EVC2: variants seen among roughly 807,000 people sequenced by gnomAD.
EVC2 encodes the protein EvC ciliary complex subunit 2, also known as limbin.
Under a neutral mutation model 149.3 loss-of-function variants are expected in EVC2, and 148 were observed. That is an observed-to-expected ratio of 0.99 (90% CI 0.87 to 1.14). The LOEUF (loss-of-function observed/expected upper bound fraction) is 1.14, where lower values mean the gene tolerates loss of function less well. Ranked by LOEUF, EVC2 falls within the 50% of genes most tolerant of loss-of-function variation. The pLI, the probability that EVC2 is intolerant of heterozygous loss-of-function variation, is 0.00. For synonymous variants in EVC2, 776 were observed against 649.9 expected (o/e 1.19, Z -2.95); for missense variants, 1,854 against 1,627.3 (o/e 1.14, Z -2.40).
chr4:5,557,106 T>C (rs1308726426), intron 21 of EVC2, among the ~76,000 whole-genome samples: 2 of 151,848 alleles, frequency 1.3e-5, no homozygotes, highest in Non-Finnish European at 2.9e-5. Flanking sequence ...AAAAAACAGA[T>C]AAAGAAAATA....
chr4:5,568,012 A>G (rs1035129526), intron 20 of EVC2, among the ~76,000 whole-genome samples: 10 of 152,132 alleles, frequency 6.6e-5, no homozygotes, highest in African/African-American at 2.2e-4. Context: ...CAGCGTGCTC[A>G]CTCCACACTC....
At chr4:5,621,737 T>G (rs995631621) in intron 14 of EVC2, among the ~76,000 whole-genome samples, 3 of 152,206 alleles carry the variant, frequency 2.0e-5, no homozygotes, top group African/African-American at 7.2e-5. Flanking sequence ...CTCTCCCATG[T>G]CTTTAAAAAC....
chr4:5,640,576 A>G lies in EVC2; in HGVS notation c.1408T>C (p.Tyr470His), dbSNP rs890717512. 1.9e-6 allele frequency: 3 copies of G among 1,614,124 alleles called. No homozygotes were observed. Among genetic ancestry groups the G allele is most frequent in the Admixed American group, 3.3e-5 (2 of 60,018 alleles). ...LETRKKMENQ[Y>H]QREMMAMEEA... ...TCCATTGCCATCATCTCTCTCTGGT[A>G]CTGGTTTTCCATCTTCTTTCTTGTT... The change falls in exon 10 of 22, where the codon TAC (tyrosine) becomes CAC (histidine). Residue 470 changes from tyrosine to histidine, a missense_variant. Tyr to His is a moderately conservative substitution (Grantham distance 83). Coordinates refer to ENST00000344408, the MANE Select transcript of EVC2 (RefSeq NM_147127.5). The surrounding 1 kb of genome is among the most constrained non-coding windows in gnomAD (Gnocchi z 4.6).
At chr4:5,662,898 G>A (rs1718993725) in intron 9 of EVC2, among the ~76,000 whole-genome samples, 1 of 151,654 alleles carries the variant, frequency 6.6e-6, no homozygotes, top group South Asian at 2.1e-4. Context: ...TTTCCTACTA[G>A]ATCAGACTTC....
chr4:5,608,040 G>T (rs374400775), intron 16 of EVC2, among the ~76,000 whole-genome samples: 1 of 151,986 alleles, frequency 6.6e-6, no homozygotes, highest in East Asian at 1.9e-4. Flanking sequence ...CCACAGTCCC[G>T]GGCTATGGAG....
In EVC2 at chr4:5,657,491, A is replaced by G. The variant is rs1217435214; in HGVS notation, c.1145+5616T>C. Among the ~76,000 whole-genome samples the G allele has an allele frequency of 6.6e-6, 1 of 152,064 alleles. No homozygotes were observed. Among genetic ancestry groups the G allele is most frequent in the Non-Finnish European group, 1.5e-5 (1 of 68,012 alleles). On this transcript the variant is annotated intron_variant, in intron 9 of 21. Coordinates refer to ENST00000344408, the MANE Select transcript of EVC2 (RefSeq NM_147127.5). This position sits in a 1 kb window ranked among gnomAD's most constrained non-coding sequence, Gnocchi z 4.7. ...CTGAAGAGCCACATCACATCTGGAA[A>G]CATGTTGTGTTGTCTTCTGGTTTGA...
rs2108764620 is a variant in EVC2 at position 5,562,640 on chromosome 4, T to C, written c.*208A>G. Reference sequence around the variant, plus strand: ...GCTGAAAGAAGGAGTGTTTATGTCCTTGTGATATGGAAGAGAGTGGGCCAT... The same window carrying C: ...GCTGAAAGAAGGAGTGTTTATGTCCCTGTGATATGGAAGAGAGTGGGCCAT... On this transcript the variant is annotated 3_prime_UTR_variant, in exon 22 of 22. Transcript: ENST00000344408. The surrounding 1 kb of genome is among the most constrained non-coding windows in gnomAD (Gnocchi z 4.3). 7.0e-7 allele frequency: 1 copy of C among 1,438,110 alleles called. No individual in the cohort carries two copies. The highest frequency in any genetic ancestry group is 2.7e-5 in the Admixed American group (1 of 37,296). 89.1% of individuals were successfully genotyped at this position (1,438,110 alleles called of 1,614,324 possible).
intron 16 of EVC2, among the ~76,000 whole-genome samples, chr4:5,593,264 T>A (rs564601961): frequency 6.6e-6 from 1 of 152,272 alleles, no homozygotes; most frequent in South Asian, 2.1e-4. Flanking sequence ...AAAGCTCAAG[T>A]CAAAAGTTAA....
Position 5,677,631 on chromosome 4 carries a change from C to A in EVC2, c.870+3629G>T, listed in dbSNP as rs1720080515. ...GCATCGGGGAAGAGCTCAGAAATACCCTTACATGAGCATTCTCTGCCTTTT... is the reference window on the plus strand; with the variant it reads ...GCATCGGGGAAGAGCTCAGAAATACACTTACATGAGCATTCTCTGCCTTTT... On this transcript the variant is annotated intron_variant, in intron 7 of 21. Coordinates refer to ENST00000344408, the MANE Select transcript of EVC2 (RefSeq NM_147127.5). This position sits in a 1 kb window ranked among gnomAD's most constrained non-coding sequence, Gnocchi z 4.3. 6.6e-6 allele frequency among the ~76,000 whole-genome samples: 1 copy of A among 152,226 alleles called. No individual in the cohort carries two copies. Among genetic ancestry groups the A allele is most frequent in the Admixed American group, 6.5e-5 (1 of 15,286 alleles).
intron 16 of EVC2, among the ~76,000 whole-genome samples, chr4:5,585,137 C>A (rs1712166100): frequency 6.6e-6 from 1 of 152,104 alleles, no homozygotes; most frequent in South Asian, 2.1e-4. Context: ...CTAAGTCTCT[C>A]CATGTCCTAG....
At chr4:5,580,400 G>C (rs78289186) in intron 17 of EVC2, among the ~76,000 whole-genome samples, 2,941 of 152,318 alleles carry the variant, frequency 0.019, 85 homozygotes, top group African/African-American at 0.067. Context: ...AGAGGTAGGA[G>C]TTACTCAAAA....
intron 1 of EVC2, among the ~76,000 whole-genome samples, chr4:5,699,958 T>G (rs1026981161): frequency 6.6e-6 from 1 of 152,124 alleles, no homozygotes; most frequent in Non-Finnish European, 1.5e-5. Context: ...CTGGCCCACA[T>G]GGTGAAACCC....
chr4:5,538,063 G>GAAAAAAAAAAAAA (rs34937866), downstream of EVC2, among the ~76,000 whole-genome samples: 1 of 112,324 alleles, frequency 8.9e-6, no homozygotes. Context: ...GAAAGAAATA[G>GAAAAAAAAAAAAA]AAAAAAAAAA....
chr4:5,564,818 G>T (rs1722169629), intron 21 of EVC2, among the ~76,000 whole-genome samples: 5 of 152,180 alleles, frequency 3.3e-5, no homozygotes, highest in Admixed American at 3.3e-4. Context: ...AGAAAATAAA[G>T]GGGGCAGTGA....
Position 5,642,158 on chromosome 4 carries a change from C to T in EVC2, c.1146-1320G>A, listed in dbSNP as rs570463346. 4.0e-4 allele frequency among the ~76,000 whole-genome samples: 61 copies of T among 152,282 alleles called. No homozygotes were observed. In the South Asian group the frequency reaches 0.011, roughly 27 times the overall value. On this transcript the variant is annotated intron_variant, in intron 9 of 21. Transcript: ENST00000344408. ...ACAGTATTCCATAGTGTACCAATGC[C>T]ACATTTTCTTTATCCAGTCTATCAT... is the stretch of plus-strand genomic sequence containing the variant.
intron 16 of EVC2, among the ~76,000 whole-genome samples, chr4:5,593,672 T>A (rs1021757639): frequency 5.9e-5 from 9 of 152,112 alleles, no homozygotes; most frequent in Non-Finnish European, 1.3e-4. Flanking sequence ...TGCATTTCCA[T>A]CTGAGGTACC....
At position 5,633,251 on chromosome 4, in the gene EVC2, A is replaced by G. The variant is rs555873347; in HGVS notation, c.1471-1219T>C. On this transcript the variant is annotated intron_variant, in intron 10 of 21. Transcript: ENST00000344408. The surrounding 1 kb of genome is among the most constrained non-coding windows in gnomAD (Gnocchi z 4.4). The stretch of plus-strand genomic sequence containing the variant: ...CAAACAGCTTGAATGAGCTTGGACC[A>G]GGACCCCAAGCTCCAGAGGAGAATG... 9.9e-5 allele frequency among the ~76,000 whole-genome samples: 15 copies of G among 152,184 alleles called. No individual in the cohort carries two copies. Among genetic ancestry groups the G allele is most frequent in the Non-Finnish European group, 2.2e-4 (15 of 68,030 alleles).
chr4:5,533,327 C>G, the EVC2 span, among the ~76,000 whole-genome samples: 2 of 152,092 alleles, frequency 1.3e-5, no homozygotes, highest in Non-Finnish European at 2.9e-5. Flanking sequence ...CAGAAAGCAG[C>G]AAGTGCAAAG....
intron 21 of EVC2, 85 bp from the exon 22 acceptor site, chr4:5,563,200 T>C: frequency 5.1e-6 from 7 of 1,368,548 alleles, no homozygotes; most frequent in East Asian, 2.3e-5. Flanking sequence ...GAATCCCTCC[T>C]TGGGTCCTGA....
Sources: gnomAD v4.1 joint callset for allele counts (sites outside exome capture counted in the v4.1 genomes callset) on GRCh38, gnomAD v4.1.1 for gene constraint, Gnocchi (gnomAD v3.1) non-coding constraint, MANE v1.5 for transcripts, NCBI Gene and HGNC (gene_info 2026-07-23, HGNC 2026-07-21) for gene names.